Variants in CTNNA3 observed in about 807,000 individuals in gnomAD.
The protein encoded by CTNNA3 is catenin alpha-3.
CTNNA3 carries 76 observed loss-of-function variants against 95.7 expected under a neutral mutation model. That is an observed-to-expected ratio of 0.79 (90% CI 0.66 to 0.96). The LOEUF (loss-of-function observed/expected upper bound fraction) is 0.96. Among genes scored for constraint, CTNNA3 ranks in the 40% least tolerant of loss-of-function variants. The pLI is 0.00. For synonymous variants in CTNNA3, 431 were observed against 374.4 expected (o/e 1.15, Z -1.74); for missense variants, 1,191 against 1,089.8 (o/e 1.09, Z -1.31).
At chr10:66,222,961 A>T (rs2089050795) in intron 13 of CTNNA3, among the ~76,000 whole-genome samples, 1 of 152,108 alleles carries the variant, frequency 6.6e-6, no homozygotes, top group African/African-American at 2.4e-5. Context: ...AGCTTGTTTT[A>T]TTTATATAAT....
At chr10:66,318,371 C>A (rs766307339) in intron 12 of CTNNA3, among the ~76,000 whole-genome samples, 4 of 150,100 alleles carry the variant, frequency 2.7e-5, no homozygotes, top group Non-Finnish European at 4.4e-5. Context: ...CTCTATAATC[C>A]CAGTGGTCAA....
At chr10:66,528,055 C>T (rs1375813933) in intron 10 of CTNNA3, among the ~76,000 whole-genome samples, 1 of 152,120 alleles carries the variant, frequency 6.6e-6, no homozygotes, top group Non-Finnish European at 1.5e-5. Flanking sequence ...CACTCACCAG[C>T]CTCCTTTTAA....
Position 66,332,781 on chromosome 10 carries a change from C to G in CTNNA3, c.1732+46371G>C, listed in dbSNP as rs908741211. On this transcript the variant is annotated intron_variant, in intron 12 of 17. Coordinates refer to ENST00000433211, the MANE Select transcript of CTNNA3 (RefSeq NM_013266.4). ...AGGATTCCCTCTTTTTCTATTGATT[C>G]GAATAGTTTCAGAAGGAATGGTACC... Among the ~76,000 whole-genome samples, 30 of 152,028 alleles carry G rather than the reference C, an allele frequency of 2.0e-4. No individual in the cohort carries two copies. The East Asian group carries it at 3.7e-3, about 19-fold the overall frequency.
intron 5 of CTNNA3, among the ~76,000 whole-genome samples, chr10:67,459,094 A>T (rs1847280660): frequency 6.6e-6 from 1 of 152,236 alleles, no homozygotes. Flanking sequence ...ATGAATATTG[A>T]GCACTATGTC....
chr10:67,362,358 G>T (rs1843020329), intron 5 of CTNNA3, among the ~76,000 whole-genome samples: 1 of 152,058 alleles, frequency 6.6e-6, no homozygotes, highest in Admixed American at 6.6e-5. Context: ...AATGAACATG[G>T]ATGCAAAAAT....
intron 7 of CTNNA3, among the ~76,000 whole-genome samples, chr10:66,956,043 T>G (rs1308648156): frequency 6.6e-6 from 1 of 152,118 alleles, no homozygotes; most frequent in Non-Finnish European, 1.5e-5. Context: ...ACAAAAATAT[T>G]AAGACCCTAG....
chr10:66,426,307 T>C (rs1429189500), intron 11 of CTNNA3, among the ~76,000 whole-genome samples: 2 of 152,088 alleles, frequency 1.3e-5, no homozygotes, highest in South Asian at 4.1e-4. Context: ...TAAAGTATTG[T>C]CCAATTTAAC....
intron 1 of CTNNA3, among the ~76,000 whole-genome samples, chr10:67,725,188 T>C (rs573512539): frequency 6.6e-6 from 1 of 151,736 alleles, no homozygotes; most frequent in South Asian, 2.1e-4. Flanking sequence ...CCTTTTTTTT[T>C]TTTTTGAGAC....
At chr10:67,147,830 C>G (rs981337344) in intron 7 of CTNNA3, among the ~76,000 whole-genome samples, 4 of 152,058 alleles carry the variant, frequency 2.6e-5, no homozygotes, top group Non-Finnish European at 4.4e-5. Flanking sequence ...TAGCAGTTTG[C>G]TAATATTGAA....
At chr10:67,234,233 T>A (rs1472488777) in intron 5 of CTNNA3, among the ~76,000 whole-genome samples, 2 of 152,264 alleles carry the variant, frequency 1.3e-5, no homozygotes, top group East Asian at 3.9e-4. Flanking sequence ...TAGACCAATA[T>A]CCTTGATGAA....
At chr10:67,322,195 G>A (rs1303957584) in intron 5 of CTNNA3, among the ~76,000 whole-genome samples, 1 of 151,874 alleles carries the variant, frequency 6.6e-6, no homozygotes, top group South Asian at 2.1e-4. Flanking sequence ...TGTGTTCAAT[G>A]GAACACACTT....
At chr10:66,768,827 A>T (rs186279679) in intron 8 of CTNNA3, among the ~76,000 whole-genome samples, 29 of 152,074 alleles carry the variant, frequency 1.9e-4, no homozygotes, top group African/African-American at 4.3e-4. Flanking sequence ...AAATTAAATT[A>T]AAAAAAAGGA....
chr10:67,722,437 A>C (rs1286265461), intron 1 of CTNNA3, among the ~76,000 whole-genome samples: 1 of 152,186 alleles, frequency 6.6e-6, no homozygotes, highest in African/African-American at 2.4e-5. Context: ...ATTTTAACAG[A>C]TATCTAAAGG....
chr10:67,230,227 C>G (rs138280291), intron 5 of CTNNA3, among the ~76,000 whole-genome samples: 18 of 152,294 alleles, frequency 1.2e-4, no homozygotes, highest in South Asian at 4.2e-4. Context: ...GAGGAAAGGA[C>G]ACCCTTTTCA....
intron 5 of CTNNA3, among the ~76,000 whole-genome samples, chr10:67,418,235 A>C (rs1305463669): frequency 6.6e-6 from 1 of 152,190 alleles, no homozygotes; most frequent in Non-Finnish European, 1.5e-5. Flanking sequence ...CAAACTGACC[A>C]ATTCACCTTG....
At chr10:66,024,524 G>A (rs963652018) in intron 15 of CTNNA3, among the ~76,000 whole-genome samples, 1 of 152,188 alleles carries the variant, frequency 6.6e-6, no homozygotes, top group Non-Finnish European at 1.5e-5. Context: ...GTAAAGATGT[G>A]TACTGATCTT....
chr10:66,042,200 C>T lies in CTNNA3; in HGVS notation c.2159+27108G>A, dbSNP rs535763420. Among the ~76,000 whole-genome samples the T allele has an allele frequency of 3.3e-5, 5 of 152,228 alleles. No homozygotes were observed. The East Asian group carries it at 5.8e-4, about 18-fold the overall frequency. On this transcript the variant is annotated intron_variant, in intron 15 of 17. Transcript: ENST00000433211. ...CCAGGTAGTTTTTCTTGATGACATC[C>T]GCTCTCAACCCATTTCACATTCTCC...
intron 13 of CTNNA3, among the ~76,000 whole-genome samples, chr10:66,170,241 CTTTTTTTTTTTTT>C (rs57644952): frequency 2.3e-4 from 17 of 73,362 alleles, no homozygotes; most frequent in African/African-American, 6.0e-4. Context: ...TCCTCATTGT[CTTTTTTTTTTTTT>C]TTTTTTTTTT....
intron 7 of CTNNA3, among the ~76,000 whole-genome samples, chr10:66,977,498 C>T (rs1372950341): frequency 1.3e-5 from 2 of 151,746 alleles, no homozygotes; most frequent in Admixed American, 6.6e-5. Context: ...AGCAATAAAA[C>T]TTTAGAAACT....
Sources: gnomAD v4.1 joint callset for allele counts (sites outside exome capture counted in the v4.1 genomes callset) on GRCh38, gnomAD v4.1.1 for gene constraint, MANE v1.5 for transcripts, NCBI Gene and HGNC (gene_info 2026-07-23, HGNC 2026-07-21) for gene names.